The following ZNF536 variants were observed in gnomAD, a reference collection of about 807,000 sequenced individuals.
The protein encoded by ZNF536 is zinc finger protein 536.
A neutral mutation model predicts 84.5 loss-of-function variants in ZNF536; 13 were observed. The ratio of observed to expected loss-of-function variants is 0.15; its 90% CI spans 0.10 to 0.24. The LOEUF (loss-of-function observed/expected upper bound fraction) is 0.24, where lower values mean the gene tolerates loss of function less well. ZNF536 is among the 10% of genes least tolerant of loss of function. ZNF536 has a pLI of 1.00. For missense variants in ZNF536, 1,536 were observed against 1,747.5 expected (o/e 0.88, Z 2.16); for synonymous variants, 811 against 742.5 (o/e 1.09, Z -1.50).
intron 3 of ZNF536, among the ~76,000 whole-genome samples, chr19:30,353,878 C>A (rs1357528877): frequency 1.3e-5 from 2 of 152,114 alleles, no homozygotes; most frequent in Non-Finnish European, 2.9e-5. Flanking sequence ...TTGGAAGGCC[C>A]AGTTTAGCAT....
chr19:30,231,133 C>T (rs1351006435), intron 1 of ZNF536, among the ~76,000 whole-genome samples: 2 of 152,138 alleles, frequency 1.3e-5, no homozygotes, highest in Non-Finnish European at 2.9e-5. Flanking sequence ...ATTTTGTTCT[C>T]AACATTATTT....
At chr19:30,427,548 C>G (rs2051269330) in intron 1 of ZNF536, among the ~76,000 whole-genome samples, 1 of 152,012 alleles carries the variant, frequency 6.6e-6, no homozygotes, top group South Asian at 2.1e-4. Flanking sequence ...TGTTGGTTGG[C>G]TGTAGATGTA....
intron 2 of ZNF536, among the ~76,000 whole-genome samples, chr19:30,461,913 C>T (rs539862506): frequency 1.5e-3 from 224 of 152,308 alleles, no homozygotes; most frequent in Middle Eastern, 3.4e-3. Flanking sequence ...AGACACCATC[C>T]GGAAGTCAGC....
At chr19:30,412,927 A>C in intron 1 of ZNF536, among the ~76,000 whole-genome samples, 1 of 152,044 alleles carries the variant, frequency 6.6e-6, no homozygotes, top group South Asian at 2.1e-4. Flanking sequence ...CTTTTATTCA[A>C]GTATGTTACT....
intron 1 of ZNF536, among the ~76,000 whole-genome samples, chr19:30,601,694 A>G (rs1363057143): frequency 1.3e-5 from 2 of 152,146 alleles, no homozygotes; most frequent in Non-Finnish European, 2.9e-5. Context: ...ACCTAGCAGC[A>G]AGAGGCATAA....
intron 3 of ZNF536, among the ~76,000 whole-genome samples, chr19:30,364,718 C>A (rs557249879): frequency 1.8e-4 from 27 of 152,264 alleles, no homozygotes; most frequent in African/African-American, 6.0e-4. Flanking sequence ...AGGGCATGAA[C>A]TGTATACAAG....
chr19:30,496,461 C>T (rs776098552), intron 2 of ZNF536, among the ~76,000 whole-genome samples: 4 of 152,172 alleles, frequency 2.6e-5, no homozygotes, highest in Non-Finnish European at 5.9e-5. Context: ...TCTAATGATC[C>T]TTCTACTTGT....
intron 1 of ZNF536, 91 bp from the exon 2 acceptor site, chr19:30,443,470 A>G: frequency 6.8e-7 from 1 of 1,478,304 alleles, no homozygotes; most frequent in Non-Finnish European, 8.9e-7. Flanking sequence ...TAGGTAAGGC[A>G]TGAAATGGAA....
intron 1 of ZNF536, among the ~76,000 whole-genome samples, chr19:30,258,431 A>G (rs995433036): frequency 7.2e-5 from 11 of 152,298 alleles, no homozygotes; most frequent in Admixed American, 7.2e-4. Flanking sequence ...TCTGGCAAAA[A>G]TTGTTCAATA....
chr19:30,624,875 A>G (rs1295175639), intron 1 of ZNF536, among the ~76,000 whole-genome samples: 2 of 152,120 alleles, frequency 1.3e-5, no homozygotes, highest in African/African-American at 4.8e-5. Flanking sequence ...AGTTTTCATG[A>G]GATCTGAGGG....
chr19:30,321,392 A>G (rs2046850393), intron 2 of ZNF536, among the ~76,000 whole-genome samples: 1 of 152,112 alleles, frequency 6.6e-6, no homozygotes. Context: ...CCCCGTCTCT[A>G]CTGAAAATAT....
intron 1 of ZNF536, among the ~76,000 whole-genome samples, chr19:30,629,732 G>C (rs185343378): frequency 6.6e-6 from 1 of 152,192 alleles, no homozygotes; most frequent in Non-Finnish European, 1.5e-5. Flanking sequence ...AATCTGCCAC[G>C]AGTTTCTCTG....
chr19:30,491,242 A>G (rs1254248910), intron 2 of ZNF536, among the ~76,000 whole-genome samples: 1 of 152,346 alleles, frequency 6.6e-6, no homozygotes, highest in African/African-American at 2.4e-5. Flanking sequence ...ACTTTCAGAA[A>G]GAAAAGAATT....
chr19:30,310,895 C>G (rs1289046323), intron 2 of ZNF536, among the ~76,000 whole-genome samples: 3 of 152,204 alleles, frequency 2.0e-5, no homozygotes, highest in African/African-American at 7.2e-5. Flanking sequence ...CGGAGGGCTA[C>G]TTTGTAAAAC....
intron 2 of ZNF536, among the ~76,000 whole-genome samples, chr19:30,483,149 C>T (rs1181560592): frequency 1.3e-5 from 2 of 152,116 alleles, no homozygotes; most frequent in Admixed American, 6.5e-5. Context: ...GAACTGGTGA[C>T]CTCCTTGACA....
chr19:30,297,908 C>CCT lies in ZNF536; in HGVS notation c.-120+13768_-120+13769insTC, dbSNP rs1555714343. On this transcript the variant is annotated intron_variant, in intron 2 of 5. Coordinates refer to the ZNF536 transcript ENST00000585628. ...TTTTTTTTCTCAAGACGGAGTCCCC[C>CCT]CCCCCTCTGTCGCCCAGGCTGGAGT... Among the ~76,000 whole-genome samples, 7 of 150,156 alleles carry CCT rather than the reference C, an allele frequency of 4.7e-5. 2 individuals carry two copies. In the Admixed American group the frequency reaches 4.8e-4, roughly 10 times the overall value.
chr19:30,408,655 T>C (rs963119286), intron 1 of ZNF536, among the ~76,000 whole-genome samples: 4 of 152,216 alleles, frequency 2.6e-5, no homozygotes, highest in Non-Finnish European at 4.4e-5. Flanking sequence ...TGCAATCTGC[T>C]TTTGTTTTAT....
At chr19:30,399,447 T>C (rs1424513820) in intron 1 of ZNF536, among the ~76,000 whole-genome samples, 1 of 152,196 alleles carries the variant, frequency 6.6e-6, no homozygotes, top group Non-Finnish European at 1.5e-5. Flanking sequence ...ATTTTGGCTT[T>C]TGTTGCCATT....
At chr19:30,596,447 T>C (rs751530703) in intron 1 of ZNF536, among the ~76,000 whole-genome samples, 4 of 152,182 alleles carry the variant, frequency 2.6e-5, no homozygotes, top group Non-Finnish European at 5.9e-5. Context: ...ACAGTGACAA[T>C]CGCGGCACAG....
Sources: allele counts gnomAD v4.1 joint callset (sites outside exome capture counted in the v4.1 genomes callset), GRCh38; gene constraint gnomAD v4.1.1; transcripts MANE v1.5; gene names NCBI Gene and HGNC (gene_info 2026-07-23, HGNC 2026-07-21).